Variants in MTUS2 observed in about 807,000 individuals in gnomAD.
MTUS2 encodes the protein microtubule-associated tumor suppressor candidate 2.
In MTUS2, 40 loss-of-function variants were observed where a neutral mutation model predicts 114.1. The observed-to-expected ratio is 0.35, with a 90% confidence interval of 0.27 to 0.46. The LOEUF is 0.46. MTUS2 is among the 20% of genes least tolerant of loss of function. The probability of loss-of-function intolerance (pLI) is 1.00; values close to 1 mark genes in which losing one functional copy is unlikely to be tolerated. For synonymous variants in MTUS2, 688 were observed against 672.0 expected (o/e 1.02, Z -0.37); for missense variants, 1,679 against 1,705.4 (o/e 0.98, Z 0.27).
chr13:28,967,301 C>CG (rs758045355), intron 2 of MTUS2, among the ~76,000 whole-genome samples: 3 of 151,998 alleles, frequency 2.0e-5, no homozygotes, highest in Non-Finnish European at 4.4e-5. Flanking sequence ...TTTATATTGC[C>CG]GGGGGGAGAG....
In MTUS2 at chr13:29,218,952, CTTTT is replaced by C. The variant is rs59003336; in HGVS notation, c.2645-62741_2645-62738del. On this transcript the variant is annotated intron_variant, in intron 5 of 15. Transcript: ENST00000612955. ...TTAAAGTTTCCAATTGCATTCATTT[CTTTT>C]TTTTTTTTTTGTCATATATATTTTT... is the stretch of plus-strand genomic sequence containing the variant. 1.3e-3 allele frequency among the ~76,000 whole-genome samples: 186 copies of C among 145,226 alleles called. 2 individuals carry two copies. The East Asian group carries it at 0.025, about 20-fold the overall frequency.
chr13:28,889,377 C>T lies in MTUS2; in HGVS notation c.-243+49527C>T, dbSNP rs555294754. On this transcript the variant is annotated intron_variant, in intron 2 of 15. Coordinates refer to ENST00000612955, the MANE Select transcript of MTUS2 (RefSeq NM_001033602.4). Reference sequence around the variant, plus strand: ...CATTTTCTCTTCTGTGCTCGTGTCACGCTTGCAGGTACATGTTCATTATTT... The same window carrying T: ...CATTTTCTCTTCTGTGCTCGTGTCATGCTTGCAGGTACATGTTCATTATTT... Among the ~76,000 whole-genome samples the T allele has an allele frequency of 7.9e-4, 121 of 152,310 alleles. 1 individual carries two copies. Among genetic ancestry groups the T allele is most frequent in the African/African-American group, 2.8e-3 (116 of 41,556 alleles).
At chr13:29,033,264 G>A (rs1886909147) in intron 3 of MTUS2, among the ~76,000 whole-genome samples, 1 of 152,186 alleles carries the variant, frequency 6.6e-6, no homozygotes, top group African/African-American at 2.4e-5. Flanking sequence ...CGCCTCACTC[G>A]AGCAGACGAC....
chr13:29,417,936 T>C (rs1875787172), intron 8 of MTUS2, among the ~76,000 whole-genome samples: 1 of 152,230 alleles, frequency 6.6e-6, no homozygotes, highest in African/African-American at 2.4e-5. Flanking sequence ...ATTTGGTGCC[T>C]TTTGTCTTGG....
chr13:28,934,208 G>A (rs1449692550), intron 2 of MTUS2, among the ~76,000 whole-genome samples: 7 of 152,198 alleles, frequency 4.6e-5, no homozygotes, highest in Non-Finnish European at 7.4e-5. Context: ...TCAGCCTAAT[G>A]TTTGTACATG....
chr13:29,457,879 T>G (rs77082382), intron 9 of MTUS2, among the ~76,000 whole-genome samples: 3,128 of 152,288 alleles, frequency 0.021, 48 homozygotes, highest in Non-Finnish European at 0.03. Flanking sequence ...GGTTTTAACC[T>G]GCATTTCTCT....
chr13:28,841,769 C>A (rs1875512118), intron 2 of MTUS2, among the ~76,000 whole-genome samples: 1 of 151,990 alleles, frequency 6.6e-6, no homozygotes, highest in Non-Finnish European at 1.5e-5. Flanking sequence ...TCACTGCAAC[C>A]TCCGCCTCCC....
chr13:29,191,020 C>T (rs1275406977), intron 5 of MTUS2, among the ~76,000 whole-genome samples: 7 of 152,102 alleles, frequency 4.6e-5, no homozygotes, highest in African/African-American at 1.2e-4. Flanking sequence ...AAGTGAGCGG[C>T]GTTACCTTAC....
At chr13:29,236,670 A>G (rs1896547168) in intron 5 of MTUS2, among the ~76,000 whole-genome samples, 3 of 152,246 alleles carry the variant, frequency 2.0e-5, no homozygotes, top group African/African-American at 4.8e-5. Flanking sequence ...AAAAGCTGTT[A>G]GTGCAGAATG....
chr13:29,209,990 G>A (rs1173343852), intron 5 of MTUS2, among the ~76,000 whole-genome samples: 1 of 152,096 alleles, frequency 6.6e-6, no homozygotes, highest in African/African-American at 2.4e-5. Context: ...GCAAGGCCAG[G>A]GAAGTTTTCC....
Position 29,099,194 on chromosome 13 carries a change from A to T in MTUS2, c.2447-1579A>T, listed in dbSNP as rs150896592. On this transcript the variant is annotated intron_variant, in intron 4 of 15. Coordinates refer to ENST00000612955, the MANE Select transcript of MTUS2 (RefSeq NM_001033602.4). ...TTGCTGATACAAACGGGCCATTACCACTTGTTAGTGTATTGTTTCTTCTTT... is the reference window on the plus strand; with the variant it reads ...TTGCTGATACAAACGGGCCATTACCTCTTGTTAGTGTATTGTTTCTTCTTT... Among the ~76,000 whole-genome samples the T allele has an allele frequency of 5.2e-3, 789 of 152,316 alleles. 7 individuals carry two copies. Among genetic ancestry groups the T allele is most frequent in the African/African-American group, 0.018 (733 of 41,574 alleles).
intron 2 of MTUS2, among the ~76,000 whole-genome samples, chr13:28,934,111 T>G (rs1881765687): frequency 6.6e-6 from 1 of 152,232 alleles, no homozygotes; most frequent in Non-Finnish European, 1.5e-5. Context: ...ACTACCACAA[T>G]TAAGTGAAGG....
chr13:29,280,629 A>T (rs910172172), intron 5 of MTUS2, among the ~76,000 whole-genome samples: 6 of 152,180 alleles, frequency 3.9e-5, no homozygotes, highest in Non-Finnish European at 7.3e-5. Context: ...AAGGATGAAA[A>T]CAAAAAATTT....
At chr13:28,873,662 G>T (rs1256627395) in intron 2 of MTUS2, among the ~76,000 whole-genome samples, 1 of 152,134 alleles carries the variant, frequency 6.6e-6, no homozygotes, top group Non-Finnish European at 1.5e-5. Context: ...CACACATATT[G>T]CCAGCTATGC....
intron 9 of MTUS2, among the ~76,000 whole-genome samples, chr13:29,442,925 G>GA (rs910625825): frequency 1.2e-4 from 19 of 152,326 alleles, no homozygotes; most frequent in African/African-American, 4.3e-4. Context: ...CTTTTAGCAA[G>GA]ATATGTTGGT....
At chr13:29,168,486 CATCTTAGAGTTGAATAGAT>C (rs1228761295) in intron 5 of MTUS2, among the ~76,000 whole-genome samples, 3 of 152,170 alleles carry the variant, frequency 2.0e-5, no homozygotes, top group Non-Finnish European at 4.4e-5. Flanking sequence ...CCATTGACTT[CATCTTAGAGTTGAATAGAT>C]AAATAACTAA....
At chr13:29,010,835 G>A (rs1054170604) in intron 2 of MTUS2, among the ~76,000 whole-genome samples, 1 of 152,034 alleles carries the variant, frequency 6.6e-6, no homozygotes, top group African/African-American at 2.4e-5. Context: ...CAGGAGAAGG[G>A]GAGTCAGTGT....
At chr13:29,482,118 G>A (rs1217070719) in intron 10 of MTUS2, 1 of 152,114 alleles carries the variant, frequency 6.6e-6, no homozygotes. Flanking sequence ...ATTTACCAAA[G>A]GCCTCTGATC....
At chr13:28,996,180 G>C (rs1156366757) in intron 2 of MTUS2, among the ~76,000 whole-genome samples, 1 of 152,148 alleles carries the variant, frequency 6.6e-6, no homozygotes, top group Non-Finnish European at 1.5e-5. Context: ...CTTTGGTTCT[G>C]TTTATATGCT....
Sources: allele counts gnomAD v4.1 joint callset (sites outside exome capture counted in the v4.1 genomes callset), GRCh38; gene constraint gnomAD v4.1.1; transcripts MANE v1.5; gene names NCBI Gene and HGNC (gene_info 2026-07-23, HGNC 2026-07-21).